The following XKR4 variants were observed in gnomAD, a reference collection of about 807,000 sequenced individuals.
The protein encoded by XKR4 is XK-related protein 4.
Under a neutral mutation model 53.9 loss-of-function variants are expected in XKR4, and 12 were observed. The observed-to-expected ratio is 0.22, with a 90% CI of 0.14 to 0.36. The LOEUF is 0.36. Among genes scored for constraint, XKR4 ranks in the 10% least tolerant of loss-of-function variants. The pLI is 1.00. For missense variants in XKR4, 799 were observed against 859.5 expected, an observed-to-expected ratio of 0.93 and a Z score of 0.88; for synonymous variants, 354 against 362.4, an observed-to-expected ratio of 0.98 and a Z score of 0.26.
intron 1 of XKR4, among the ~76,000 whole-genome samples, chr8:55,185,899 T>C (rs1817371000): frequency 6.6e-6 from 1 of 152,220 alleles, no homozygotes; most frequent in African/African-American, 2.4e-5. Context: ...GTTAATTTCA[T>C]GTGACCCTCT....
At chr8:55,112,400 C>T (rs2129351081) in intron 1 of XKR4, among the ~76,000 whole-genome samples, 1 of 152,102 alleles carries the variant, frequency 6.6e-6, no homozygotes, top group Non-Finnish European at 1.5e-5. Flanking sequence ...GGTTTGACTT[C>T]CCCTCAAGTC....
rs557138822 is a variant in XKR4 at position 55,286,017 on chromosome 8, T to A, written c.807-71661T>A. On this transcript the variant is annotated intron_variant, in intron 1 of 2. Coordinates refer to ENST00000327381, the MANE Select transcript of XKR4 (RefSeq NM_052898.2). ...CTACAGACATCAATTTCTCACCTAC[T>A]GTGTGTATAAGTCTATCTGCCGAGC... Among the ~76,000 whole-genome samples, 12 of 152,330 alleles carry A rather than the reference T, an allele frequency of 7.9e-5. No individual in the cohort carries two copies. The South Asian group carries it at 2.5e-3, about 32-fold the overall frequency.
At chr8:55,156,871 T>C (rs1816915211) in intron 1 of XKR4, among the ~76,000 whole-genome samples, 1 of 152,206 alleles carries the variant, frequency 6.6e-6, no homozygotes, top group Non-Finnish European at 1.5e-5. Flanking sequence ...TTCCGTAAAC[T>C]TTCTGCATAA....
At chr8:55,228,315 T>C (rs1001903037) in intron 1 of XKR4, among the ~76,000 whole-genome samples, 1 of 151,650 alleles carries the variant, frequency 6.6e-6, no homozygotes, top group African/African-American at 2.4e-5. Context: ...CACGATGCAG[T>C]CCTTAAGTAC....
intron 1 of XKR4, among the ~76,000 whole-genome samples, chr8:55,248,634 A>C (rs1818321685): frequency 6.6e-6 from 1 of 152,202 alleles, no homozygotes; most frequent in Non-Finnish European, 1.5e-5. Context: ...GAGGTTTTCT[A>C]ACTTTTTTTT....
At chr8:55,430,748 G>A (rs939202114) in intron 2 of XKR4, among the ~76,000 whole-genome samples, 6 of 152,176 alleles carry the variant, frequency 3.9e-5, no homozygotes, top group African/African-American at 1.2e-4. Context: ...TGTAGGTAAG[G>A]TTGGTTTCTT....
At chr8:55,321,862 G>A (rs1044562629) in intron 1 of XKR4, among the ~76,000 whole-genome samples, 5 of 152,192 alleles carry the variant, frequency 3.3e-5, no homozygotes, top group African/African-American at 7.2e-5. Context: ...GGTGGCACGC[G>A]CCTGTAGTCC....
rs1806987675 is a variant in XKR4, at chr8:55,533,709, A to G, written c.*9482A>G. ...AGGTGATTTGCAGTTAATTAATTCA[A>G]CAGACACTTTAATCTTGCAAATTCT... On this transcript the variant is annotated 3_prime_UTR_variant, in exon 3 of 3. Transcript: ENST00000327381. The G allele has an allele frequency of 6.6e-6, 1 of 152,210 alleles. No individual in the cohort carries two copies. The allele number at this position is 152,210 out of a possible 1,614,324, so 9.4% of individuals were successfully genotyped here. A position where few individuals can be genotyped will look rare whatever the true frequency, so the allele number is the denominator to read the frequency against.
chr8:55,219,198 G>T lies in XKR4; in HGVS notation c.806+115904G>T, dbSNP rs1817847534. On this transcript the variant is annotated intron_variant, in intron 1 of 2. Coordinates refer to ENST00000327381, the MANE Select transcript of XKR4 (RefSeq NM_052898.2). ...AATGGCAGTAATGCCTAAGGTACCT[G>T]TCAAAAGCATTGTTGTTTGCCGGGC... Among the ~76,000 whole-genome samples the T allele has an allele frequency of 2.0e-5, 3 of 152,212 alleles. No individual in the cohort carries two copies. In the South Asian group the frequency reaches 6.2e-4, roughly 32 times the overall value.
At chr8:55,132,525 C>T (rs1472310625) in intron 1 of XKR4, among the ~76,000 whole-genome samples, 1 of 152,218 alleles carries the variant, frequency 6.6e-6, no homozygotes, top group East Asian at 1.9e-4. Flanking sequence ...TGTGATCTCT[C>T]TCTGTGGCTC....
intron 1 of XKR4, among the ~76,000 whole-genome samples, chr8:55,132,157 A>C (rs548840650): frequency 3.3e-5 from 5 of 152,348 alleles, no homozygotes; most frequent in African/African-American, 1.2e-4. Context: ...ATCATGCACC[A>C]GGCAGTGTGC....
At chr8:55,379,236 T>G (rs946332314) in intron 2 of XKR4, among the ~76,000 whole-genome samples, 5 of 152,300 alleles carry the variant, frequency 3.3e-5, no homozygotes, top group African/African-American at 9.6e-5. Flanking sequence ...AATATCAACA[T>G]AATGCACTCA....
chr8:55,208,757 A>C (rs570825460), intron 1 of XKR4, among the ~76,000 whole-genome samples: 1 of 152,042 alleles, frequency 6.6e-6, no homozygotes. Context: ...GAGCCACCAC[A>C]CCCAGCCTAG....
At chr8:55,388,728 C>T (rs1804389909) in intron 2 of XKR4, among the ~76,000 whole-genome samples, 1 of 152,226 alleles carries the variant, frequency 6.6e-6, no homozygotes, top group African/African-American at 2.4e-5. Flanking sequence ...CACAACCATT[C>T]AGTCCTTAGC....
chr8:55,495,902 T>G (rs188169680), intron 2 of XKR4, among the ~76,000 whole-genome samples: 269 of 152,350 alleles, frequency 1.8e-3, no homozygotes, highest in African/African-American at 6.2e-3. Flanking sequence ...TGAAAGAAGT[T>G]TTTTACCAAA....
At chr8:55,120,457 TTC>T (rs1816375268) in intron 1 of XKR4, among the ~76,000 whole-genome samples, 1 of 151,662 alleles carries the variant, frequency 6.6e-6, no homozygotes, top group Non-Finnish European at 1.5e-5. Flanking sequence ...ATGTGGTGAA[TTC>T]TCTGTCTTTG....
chr8:55,306,906 A>G (rs1819308875), intron 1 of XKR4, among the ~76,000 whole-genome samples: 1 of 151,666 alleles, frequency 6.6e-6, no homozygotes, highest in Non-Finnish European at 1.5e-5. Flanking sequence ...ATTACTATTT[A>G]AGGTGTGAGA....
At chr8:55,161,529 C>CA (rs1353260683) in intron 1 of XKR4, 2 of 455,990 alleles carry the variant, frequency 4.4e-6, no homozygotes, top group Non-Finnish European at 8.8e-6. Flanking sequence ...GCAGGATGAG[C>CA]AGCGCTCAAA....
chr8:55,522,653 T>A (rs1806813275), intron 2 of XKR4, among the ~76,000 whole-genome samples: 1 of 152,172 alleles, frequency 6.6e-6, no homozygotes, highest in South Asian at 2.1e-4. Flanking sequence ...ACTTTATAAA[T>A]GAGGACACCC....
Sources: gnomAD v4.1 joint callset for allele counts (sites outside exome capture counted in the v4.1 genomes callset) on GRCh38, gnomAD v4.1.1 for gene constraint, MANE v1.5 for transcripts, NCBI Gene and HGNC (gene_info 2026-07-23, HGNC 2026-07-21) for gene names.